The following CLDN5 variants were observed in gnomAD, a reference collection of about 807,000 sequenced individuals.
CLDN5 encodes claudin 5.
In CLDN5, 4 loss-of-function variants were observed where a neutral mutation model predicts 1.3. That is an observed-to-expected ratio of 3.07 (90% CI 1.51 to 7.03). The LOEUF is 7.03. Among genes scored for constraint, CLDN5 ranks in the 30% most tolerant of loss-of-function variants. The probability of loss-of-function intolerance (pLI) is 0.00; values close to 1 mark genes in which losing one functional copy is unlikely to be tolerated. For synonymous variants in CLDN5, 156 were observed against 152.3 expected (o/e 1.02, Z -0.18); for missense variants, 225 against 303.5 (o/e 0.74, Z 1.92).
chr22:19,524,926 G>A, upstream of CLDN5: 4 of 1,037,330 alleles, frequency 3.9e-6, no homozygotes, highest in Non-Finnish European at 2.3e-6. Flanking sequence ...GCCCTTTCTC[G>A]CACTCTCACT....
chr22:19,523,781 C>A lies in CLDN5; in HGVS notation c.475G>T (p.Glu159Ter). The A allele has an allele frequency of 6.2e-7, 1 of 1,605,698 alleles. No individual in the cohort carries two copies. Among genetic ancestry groups the A allele is most frequent in the Non-Finnish European group, 8.5e-7 (1 of 1,176,776 alleles). ...CCGATGTACAGCGCTGCGCCCAGCT[C>A]GTACTTCTGCGACACGGGCACAGAC... ...DPSVPVSQKYELGAALYIGWA... is the reference protein window; with the variant it reads ...DPSVPVSQKY The change falls in exon 1 of 1, where the codon GAG (glutamate) becomes TAG (stop). Residue 159 changes from glutamate to a stop codon, truncating the protein, a stop_gained. Coordinates refer to ENST00000618236, the MANE Select transcript of CLDN5 (RefSeq NM_001363066.2). LOFTEE classifies it low-confidence loss of function (END_TRUNC).
Position 19,524,292 on chromosome 22 carries a change from A to C in CLDN5, c.-37T>G, listed in dbSNP as rs1038124832. On this transcript the variant is annotated 5_prime_UTR_variant, in exon 1 of 1. Transcript: ENST00000618236. ...AGACGCGCACCCGAAGGCCCGCAGA[A>C]CCCCCAAGGCCGTGCTGCGCGGCGC... The C allele has an allele frequency of 1.9e-6, 3 of 1,546,044 alleles. No individual in the cohort carries two copies. The Admixed American group carries it at 5.9e-5, about 30-fold the overall frequency.
rs994702907 is a variant in CLDN5 at position 19,523,527 on chromosome 22, C to T, written c.*72G>A. The stretch of plus-strand genomic sequence containing the variant: ...TACCCGGCGGAAGCCGCGGTCCATG[C>T]GGGGCTCCCCAGGCTTATCCAACGC... On this transcript the variant is annotated 3_prime_UTR_variant, in exon 1 of 1. Coordinates refer to ENST00000618236, the MANE Select transcript of CLDN5 (RefSeq NM_001363066.2). 3 of 1,482,630 alleles carry T rather than the reference C, an allele frequency of 2.0e-6. No individual in the cohort carries two copies. Among genetic ancestry groups the T allele is most frequent in the Admixed American group, 2.3e-5 (1 of 42,720 alleles). 91.8% of individuals were successfully genotyped at this position (1,482,630 alleles called of 1,614,324 possible).
upstream of CLDN5, chr22:19,524,421 G>C: frequency 6.9e-7 from 1 of 1,443,850 alleles, no homozygotes; most frequent in Non-Finnish European, 9.1e-7. Flanking sequence ...AGCTCCTGCC[G>C]GGGGGTACCC....
Position 19,523,417 on chromosome 22 carries a change from G to T in CLDN5, c.*182C>A. 1.3e-6 allele frequency: 1 copy of T among 788,970 alleles called. No individual in the cohort carries two copies. The highest frequency in any genetic ancestry group is 3.0e-5 in the East Asian group (1 of 33,158). The allele number at this position is 788,970 out of a possible 1,614,324, so 48.9% of individuals were successfully genotyped here. On this transcript the variant is annotated 3_prime_UTR_variant, in exon 1 of 1. Coordinates refer to ENST00000618236, the MANE Select transcript of CLDN5 (RefSeq NM_001363066.2). ...AGGGCCGGGCTAGTGGCAGGAGAAG[G>T]TCAGCTGCGGGCGCAGGCAGGAGCG...
chr22:19,523,620 G>C lies in CLDN5; in HGVS notation c.636C>G (p.Tyr212Ter), dbSNP rs1934156137. The change falls in exon 1 of 1, where the codon TAC becomes TAG. Residue 212 changes from tyrosine to a stop codon, truncating the protein, a stop_gained. Coordinates refer to ENST00000618236, the MANE Select transcript of CLDN5 (RefSeq NM_001363066.2). LOFTEE classifies it high-confidence loss of function. ...GCCCTCAGACGTAGTTCTTCTTGTCGTAGTCGCCGGTGGCCGTGGGCCGCC... is the reference window on the plus strand; with the variant it reads ...GCCCTCAGACGTAGTTCTTCTTGTCCTAGTCGCCGGTGGCCGTGGGCCGCC... ...APRRPTATGDYDKKNYV is the reference protein window; with the variant it reads ...APRRPTATGD 1 of 1,597,400 alleles carries C rather than the reference G, an allele frequency of 6.3e-7. No homozygotes were observed. The highest frequency in any genetic ancestry group is 8.5e-7 in the Non-Finnish European group (1 of 1,174,910).
chr22:19,523,553 C>T lies in CLDN5; in HGVS notation c.*46G>A. On this transcript the variant is annotated 3_prime_UTR_variant, in exon 1 of 1. Transcript: ENST00000618236. Reference sequence around the variant, plus strand: ...GGGGCTCCCCAGGCTTATCCAACGCCTCGCAGGCGTGGCTGGCAGGAGGGG... The same window carrying T: ...GGGGCTCCCCAGGCTTATCCAACGCTTCGCAGGCGTGGCTGGCAGGAGGGG... The T allele has an allele frequency of 2.6e-6, 4 of 1,516,596 alleles. No homozygotes were observed. The highest frequency in any genetic ancestry group is 3.5e-6 in the Non-Finnish European group (4 of 1,140,598). 93.9% of individuals were successfully genotyped at this position (1,516,596 alleles called of 1,614,324 possible).
chr22:19,523,827 G>A lies in CLDN5; in HGVS notation c.429C>T (p.Val143=). The change falls in exon 1 of 1, where the codon GTC becomes GTT. Residue 143 remains valine, a synonymous_variant. Coordinates refer to ENST00000618236, the MANE Select transcript of CLDN5 (RefSeq NM_001363066.2). ...CAGACGGGTCGTAAAACTCGCGGACGACAATGTTGGCGAACCAGCAGAGTG... is the reference window on the plus strand; with the variant it reads ...CAGACGGGTCGTAAAACTCGCGGACAACAATGTTGGCGAACCAGCAGAGTG... ...LVPLCWFANI[V]VREFYDPSVP... 1 of 1,609,858 alleles carries A rather than the reference G, an allele frequency of 6.2e-7. No individual in the cohort carries two copies. The highest frequency in any genetic ancestry group is 8.5e-7 in the Non-Finnish European group (1 of 1,178,812).
upstream of CLDN5, chr22:19,524,605 G>A (rs984391402): frequency 3.0e-6 from 4 of 1,331,158 alleles, no homozygotes; most frequent in African/African-American, 3.1e-5. Flanking sequence ...CTCCCCGCCC[G>A]GCAGCCGCCC....
In CLDN5 at chr22:19,523,464, C is replaced by T. The variant is rs1316977076; in HGVS notation, c.*135G>A. On this transcript the variant is annotated 3_prime_UTR_variant, in exon 1 of 1. Coordinates refer to ENST00000618236, the MANE Select transcript of CLDN5 (RefSeq NM_001363066.2). ...AGCGGATCCAGGAGCCGCGTCGGGG[C>T]GCAGAGCCGGACGTTCCGAGGAGCC... is the stretch of plus-strand genomic sequence containing the variant. The T allele has an allele frequency of 7.9e-7, 1 of 1,266,610 alleles. No homozygotes were observed. Among genetic ancestry groups the T allele is most frequent in the East Asian group, 2.8e-5 (1 of 36,354 alleles). The allele number at this position is 1,266,610 out of a possible 1,614,324, so 78.5% of individuals were successfully genotyped here.
At position 19,523,491 on chromosome 22, in the gene CLDN5, G is replaced by C; in HGVS notation, c.*108C>G. The C allele has an allele frequency of 7.0e-7, 1 of 1,420,072 alleles. No homozygotes were observed. Among genetic ancestry groups the C allele is most frequent in the Non-Finnish European group, 9.2e-7 (1 of 1,083,496 alleles). The allele number at this position is 1,420,072 out of a possible 1,614,324, so 88.0% of individuals were successfully genotyped here. A position where few individuals can be genotyped will look rare whatever the true frequency, so the allele number is the denominator to read the frequency against. ...CAGAGCCGGACGTTCCGAGGAGCCT[G>C]CGCGCCGCGCTACCCGGCGGAAGCC... On this transcript the variant is annotated 3_prime_UTR_variant, in exon 1 of 1. Coordinates refer to ENST00000618236, the MANE Select transcript of CLDN5 (RefSeq NM_001363066.2).
Position 19,523,460 on chromosome 22 carries a change from G to C in CLDN5, c.*139C>G, listed in dbSNP as rs1934150099. The C allele has an allele frequency of 8.1e-7, 1 of 1,239,436 alleles. No individual in the cohort carries two copies. Among genetic ancestry groups the C allele is most frequent in the South Asian group, 1.6e-5 (1 of 60,950 alleles). 76.8% of individuals were successfully genotyped at this position (1,239,436 alleles called of 1,614,324 possible). ...CAGGAGCGGATCCAGGAGCCGCGTC[G>C]GGGCGCAGAGCCGGACGTTCCGAGG... On this transcript the variant is annotated 3_prime_UTR_variant, in exon 1 of 1. Coordinates refer to ENST00000618236, the MANE Select transcript of CLDN5 (RefSeq NM_001363066.2).
In CLDN5 at chr22:19,523,713, C is replaced by T. The variant is rs1934159601; in HGVS notation, c.543G>A (p.Leu181=). The change falls in exon 1 of 1, where the codon TTG becomes TTA. Residue 181 remains leucine, a synonymous_variant. Coordinates refer to ENST00000618236, the MANE Select transcript of CLDN5 (RefSeq NM_001363066.2). The stretch of plus-strand genomic sequence containing the variant: ...CGGTGCAGACCCAGGCGCCGCAGCA[C>T]AAGAGGCAGCCGCCTACCATGAGCA... ...TALLMVGGCL[L]CCGAWVCTGR... 6.2e-7 allele frequency: 1 copy of T among 1,606,742 alleles called. No individual in the cohort carries two copies. Among genetic ancestry groups the T allele is most frequent in the African/African-American group, 1.3e-5 (1 of 74,998 alleles).
rs2146466353 is a variant in CLDN5 at position 19,524,306 on chromosome 22, GCTGCGCGGCGCC to G, written c.-63_-52del. The G allele has an allele frequency of 2.0e-6, 3 of 1,525,424 alleles. No homozygotes were observed. Among genetic ancestry groups the G allele is most frequent in the African/African-American group, 2.8e-5 (2 of 72,202 alleles). The allele number at this position is 1,525,424 out of a possible 1,614,324, so 94.5% of individuals were successfully genotyped here. On this transcript the variant is annotated 5_prime_UTR_variant, in exon 1 of 1. Coordinates refer to ENST00000618236, the MANE Select transcript of CLDN5 (RefSeq NM_001363066.2). ...AGGCCCGCAGAACCCCCAAGGCCGT[GCTGCGCGGCGCC>G]CTGGGCGGGCCCTGGTGCCTTTGCG...
In CLDN5 at chr22:19,523,306, A is replaced by C; in HGVS notation, c.*293T>G. On this transcript the variant is annotated 3_prime_UTR_variant, in exon 1 of 1. Coordinates refer to ENST00000618236, the MANE Select transcript of CLDN5 (RefSeq NM_001363066.2). ...AAGACCCCCAGCGTCTTGGAGGGGA[A>C]GCGAAATCCTCAGTCTGACACCCGC... 5.1e-6 allele frequency: 2 copies of C among 392,318 alleles called. No homozygotes were observed. Among genetic ancestry groups the C allele is most frequent in the Non-Finnish European group, 4.5e-6 (1 of 220,768 alleles). 24.3% of individuals were successfully genotyped at this position (392,318 alleles called of 1,614,324 possible).
At chr22:19,524,488 C>T, upstream of CLDN5, 1 of 1,432,108 alleles carries the variant, frequency 7.0e-7, no homozygotes, top group Non-Finnish European at 9.1e-7. Flanking sequence ...CGGCCCGAAG[C>T]AGCCAATCCG....
At position 19,523,824 on chromosome 22, in the gene CLDN5, G is replaced by C; in HGVS notation, c.432C>G (p.Val144=). Residue 144 remains valine, a synonymous_variant, in exon 1 of 1, where the codon GTC becomes GTG. Coordinates refer to ENST00000618236, the MANE Select transcript of CLDN5 (RefSeq NM_001363066.2). Reference sequence around the variant, plus strand: ...GCACAGACGGGTCGTAAAACTCGCGGACGACAATGTTGGCGAACCAGCAGA... The same window carrying C: ...GCACAGACGGGTCGTAAAACTCGCGCACGACAATGTTGGCGAACCAGCAGA... ...VPLCWFANIV[V]REFYDPSVPV... The C allele has an allele frequency of 6.2e-7, 1 of 1,609,772 alleles. No homozygotes were observed. Among genetic ancestry groups the C allele is most frequent in the Non-Finnish European group, 8.5e-7 (1 of 1,178,748 alleles).
At position 19,523,924 on chromosome 22, in the gene CLDN5, C is replaced by A. The variant is rs1485171857; in HGVS notation, c.332G>T (p.Gly111Val). ...GAQCTTCVAP[G>V]PAKARVALTG... The stretch of plus-strand genomic sequence containing the variant: ...GAGGGCCACACGCGCCTTGGCCGGG[C>A]CCGGGGCCACGCAGGTGGTGCACTG... Residue 111 changes from glycine (G) to valine (V), a missense_variant, in exon 1 of 1, where the codon GGC becomes GTC. Gly to Val is a moderately radical substitution (Grantham distance 109). Around this residue, in one of 3 missense-constraint regions of CLDN5, gnomAD observed 165 missense variants for 211.9 expected, o/e 0.78. Transcript: ENST00000618236. The A allele has an allele frequency of 3.8e-6, 6 of 1,597,546 alleles. No homozygotes were observed. Among genetic ancestry groups the A allele is most frequent in the Non-Finnish European group, 3.4e-6 (4 of 1,175,836 alleles).
upstream of CLDN5, chr22:19,524,833 A>G: frequency 8.5e-7 from 1 of 1,174,386 alleles, no homozygotes; most frequent in Non-Finnish European, 1.1e-6. Flanking sequence ...GGTTTGCAGA[A>G]GCCCCCCACC....
Sources: allele counts gnomAD v4.1 joint callset, GRCh38; gene constraint gnomAD v4.1.1; regional missense constraint gnomAD v4.1.1; transcripts MANE v1.5; gene names NCBI Gene and HGNC (gene_info 2026-07-23, HGNC 2026-07-21).